TMEM178B: variants seen among roughly 807,000 people sequenced by gnomAD.
The protein encoded by TMEM178B is transmembrane protein 178B.
TMEM178B carries 5 observed loss-of-function variants against 31.0 expected under a neutral mutation model. The ratio of observed to expected loss-of-function variants is 0.16; its 90% CI spans 0.08 to 0.34. The LOEUF (loss-of-function observed/expected upper bound fraction) is 0.34. TMEM178B is among the 10% of genes least tolerant of loss of function. The pLI is 1.00. For missense variants in TMEM178B, 275 were observed against 400.3 expected (o/e 0.69, Z 2.67); for synonymous variants, 164 against 164.0 (o/e 1.00, Z 0.00).
intron 3 of TMEM178B, among the ~76,000 whole-genome samples, chr7:141,465,904 TC>T (rs1279399945): frequency 6.6e-6 from 1 of 152,058 alleles, no homozygotes; most frequent in Non-Finnish European, 1.5e-5. Flanking sequence ...GCACCTGTAG[TC>T]CCAGCTACTA....
intron 2 of TMEM178B, among the ~76,000 whole-genome samples, chr7:141,429,089 A>G (rs1296281854): frequency 1.3e-5 from 2 of 152,220 alleles, no homozygotes; most frequent in Admixed American, 6.5e-5. Flanking sequence ...TAGTACAGCC[A>G]TTATGGAAAA....
intron 2 of TMEM178B, among the ~76,000 whole-genome samples, chr7:141,354,685 G>A (rs1041953621): frequency 6.6e-6 from 1 of 152,102 alleles, no homozygotes; most frequent in Non-Finnish European, 1.5e-5. Context: ...TACCATAGTG[G>A]CCCATCTTTA....
At chr7:141,157,729 G>A (rs773675790) in intron 1 of TMEM178B, among the ~76,000 whole-genome samples, 3 of 152,172 alleles carry the variant, frequency 2.0e-5, no homozygotes, top group African/African-American at 7.2e-5. Flanking sequence ...TGTGAGTTCC[G>A]AGCGAGGTAA....
intron 3 of TMEM178B, among the ~76,000 whole-genome samples, chr7:141,442,163 A>T (rs1380646224): frequency 1.3e-5 from 2 of 152,148 alleles, no homozygotes; most frequent in African/African-American, 4.8e-5. Flanking sequence ...TGCTTCGTGG[A>T]TACGGATCCC....
At chr7:141,215,337 A>ATTATT (rs55726735) in intron 2 of TMEM178B, among the ~76,000 whole-genome samples, 6 of 141,474 alleles carry the variant, frequency 4.2e-5, no homozygotes, top group Non-Finnish European at 7.7e-5. Context: ...TATTATTATT[A>ATTATT]TTTTTTGAGA....
chr7:141,332,520 C>T (rs756702727), intron 2 of TMEM178B, among the ~76,000 whole-genome samples: 11 of 152,202 alleles, frequency 7.2e-5, no homozygotes, highest in Non-Finnish European at 1.6e-4. Context: ...GTACACAACT[C>T]CCTTCATCGT....
At chr7:141,247,185 C>A (rs1586848688) in intron 2 of TMEM178B, among the ~76,000 whole-genome samples, 1 of 137,446 alleles carries the variant, frequency 7.3e-6, no homozygotes, top group Non-Finnish European at 1.5e-5. Flanking sequence ...AGATATCTCT[C>A]TATATATAGG....
At chr7:141,214,774 T>C (rs1018568716) in intron 2 of TMEM178B, among the ~76,000 whole-genome samples, 12 of 152,092 alleles carry the variant, frequency 7.9e-5, no homozygotes, top group Non-Finnish European at 1.8e-4. Flanking sequence ...TGTAGGGTTC[T>C]GCAAAATCTA....
At chr7:141,405,660 A>G (rs543854787) in intron 2 of TMEM178B, among the ~76,000 whole-genome samples, 1 of 152,336 alleles carries the variant, frequency 6.6e-6, no homozygotes, top group African/African-American at 2.4e-5. Flanking sequence ...CTCCTTCACC[A>G]GGTTGTGCAC....
chr7:141,342,723 T>C (rs1180482126), intron 2 of TMEM178B, among the ~76,000 whole-genome samples: 1 of 152,212 alleles, frequency 6.6e-6, no homozygotes, highest in Non-Finnish European at 1.5e-5. Context: ...AACTTAATCA[T>C]TCCTGTTTTT....
intron 1 of TMEM178B, among the ~76,000 whole-genome samples, chr7:141,136,824 C>T (rs1795683166): frequency 6.6e-6 from 1 of 152,046 alleles, no homozygotes. Context: ...TGTAATTGCA[C>T]CACTGTACTC....
chr7:141,469,732 A>G (rs973804816), intron 3 of TMEM178B, among the ~76,000 whole-genome samples: 4 of 152,232 alleles, frequency 2.6e-5, no homozygotes, highest in African/African-American at 9.6e-5. Flanking sequence ...TGGGTTTATA[A>G]TTCTAAACCA....
At chr7:141,379,086 C>G (rs546252535) in intron 2 of TMEM178B, among the ~76,000 whole-genome samples, 109 of 152,242 alleles carry the variant, frequency 7.2e-4, no homozygotes, top group Admixed American at 1.2e-3. Flanking sequence ...ATCCTAGTCT[C>G]TCTCCAGTCT....
At chr7:141,287,744 T>G (rs1450914632) in intron 2 of TMEM178B, among the ~76,000 whole-genome samples, 1 of 152,226 alleles carries the variant, frequency 6.6e-6, no homozygotes, top group African/African-American at 2.4e-5. Flanking sequence ...TGCTGGGCAG[T>G]GCTTTATCGG....
At chr7:141,396,122 G>A (rs564385048) in intron 2 of TMEM178B, among the ~76,000 whole-genome samples, 3 of 152,244 alleles carry the variant, frequency 2.0e-5, no homozygotes, top group Non-Finnish European at 2.9e-5. Flanking sequence ...AGAGAGGGGA[G>A]GTGGGGAGCC....
chr7:141,312,033 C>G (rs1388554902), intron 2 of TMEM178B, among the ~76,000 whole-genome samples: 2 of 152,232 alleles, frequency 1.3e-5, no homozygotes, highest in African/African-American at 2.4e-5. Flanking sequence ...TCTGCCATCC[C>G]TACCTCAAGG....
At chr7:141,367,848 G>C (rs1800037758) in intron 2 of TMEM178B, among the ~76,000 whole-genome samples, 1 of 152,020 alleles carries the variant, frequency 6.6e-6, no homozygotes, top group Non-Finnish European at 1.5e-5. Context: ...GAGAGGATGG[G>C]GTTCCAAGCA....
intron 2 of TMEM178B, among the ~76,000 whole-genome samples, chr7:141,391,239 C>T (rs986519968): frequency 2.6e-5 from 4 of 152,042 alleles, no homozygotes; most frequent in African/African-American, 7.2e-5. Flanking sequence ...GATCTCGGCT[C>T]ACTGCAACTT....
In TMEM178B at chr7:141,290,478, T is replaced by C. The variant is rs537152426; in HGVS notation, c.496+77774T>C. On this transcript the variant is annotated intron_variant, in intron 2 of 3. Coordinates refer to ENST00000565468, the MANE Select transcript of TMEM178B (RefSeq NM_001195278.2). ...CTCCCTGCGAACATTTACATCCTAA[T>C]TCTCCAACCACTGCCCAGGTGTGAA... 5.5e-4 allele frequency among the ~76,000 whole-genome samples: 84 copies of C among 152,318 alleles called. 2 individuals carry two copies. The South Asian group carries it at 0.016, about 30-fold the overall frequency.
Sources: gnomAD v4.1 joint callset for allele counts (sites outside exome capture counted in the v4.1 genomes callset) on GRCh38, gnomAD v4.1.1 for gene constraint, MANE v1.5 for transcripts, NCBI Gene and HGNC (gene_info 2026-07-23, HGNC 2026-07-21) for gene names.